TRIM72: variants seen among roughly 807,000 people sequenced by gnomAD.
The protein encoded by TRIM72 is tripartite motif-containing protein 72.
TRIM72 carries 33 observed loss-of-function variants against 31.6 expected under a neutral mutation model. The observed-to-expected ratio is 1.04, with a 90% CI of 0.79 to 1.40. The LOEUF (loss-of-function observed/expected upper bound fraction) is 1.40, where lower values mean the gene tolerates loss of function less well. Ranked by LOEUF, TRIM72 falls within the 40% of genes most tolerant of loss-of-function variation. The pLI is 0.00. For synonymous variants in TRIM72, 301 were observed against 314.4 expected, an observed-to-expected ratio of 0.96 and a Z score of 0.45; for missense variants, 666 against 682.7, an observed-to-expected ratio of 0.98 and a Z score of 0.27.
At position 31,230,835 on chromosome 16, in the gene TRIM72, C is replaced by A. The variant is rs2079567742; in HGVS notation, c.*6080C>A. On this transcript the variant is annotated 3_prime_UTR_variant, in exon 7 of 7. Transcript: ENST00000322122. ...TAACTAAATAATAAATAATAAGTAT[C>A]CTCCTCAACCTCTTGGTCTCTCTGA... The A allele has an allele frequency of 6.6e-6, 1 of 151,818 alleles. No homozygotes were observed. The highest frequency in any genetic ancestry group is 2.4e-5 in the African/African-American group (1 of 41,428). The allele number at this position is 151,818 out of a possible 1,614,324, so 9.4% of individuals were successfully genotyped here. A position where few individuals can be genotyped will look rare whatever the true frequency, so the allele number is the denominator to read the frequency against.
At chr16:31,223,489 T>A (rs1466182425) in intron 6 of TRIM72, among the ~76,000 whole-genome samples, 1 of 152,228 alleles carries the variant, frequency 6.6e-6, no homozygotes, top group East Asian at 1.9e-4. Flanking sequence ...AGCCTCATTT[T>A]ATTCAAGATA....
rs539537118 is a variant in TRIM72 at position 31,226,505 on chromosome 16, G to A, written c.*1750G>A. Reference sequence around the variant, plus strand: ...GATTCTAGGTGAATAAACAACCCTCGACTTAACTTGCTTTGCCTCTGGGAT... The same window carrying A: ...GATTCTAGGTGAATAAACAACCCTCAACTTAACTTGCTTTGCCTCTGGGAT... On this transcript the variant is annotated 3_prime_UTR_variant, in exon 7 of 7. Transcript: ENST00000322122. 2.6e-5 allele frequency: 4 copies of A among 152,216 alleles called. No homozygotes were observed. Among genetic ancestry groups the A allele is most frequent in the Non-Finnish European group, 5.9e-5 (4 of 68,016 alleles). 9.4% of individuals were successfully genotyped at this position (152,216 alleles called of 1,614,324 possible). A position where few individuals can be genotyped will look rare whatever the true frequency, so the allele number is the denominator to read the frequency against.
intron 2 of TRIM72, chr16:31,217,168 C>T: frequency 1.1e-6 from 1 of 914,122 alleles, no homozygotes; most frequent in South Asian, 1.8e-5. Flanking sequence ...CCTGTGGCTC[C>T]TGCTGGGAGG....
rs1176051851 is a variant in TRIM72 at position 31,219,528 on chromosome 16, T to G, written c.717+9T>G. 5.6e-6 allele frequency: 9 copies of G among 1,606,988 alleles called. No homozygotes were observed. In the South Asian group the frequency reaches 9.9e-5, roughly 18 times the overall value. On this transcript the variant is annotated intron_variant, in intron 4 of 6. Transcript: ENST00000322122. This position sits in a 1 kb window ranked among gnomAD's most constrained non-coding sequence, Gnocchi z 4.2. ...AGACTGAGTTCCTCATGGTGAGCAC[T>G]GGGTGACCCCCCTCCCTGCCTCAGC...
At chr16:31,218,398 C>T (rs576092260) in intron 2 of TRIM72, among the ~76,000 whole-genome samples, 1 of 152,018 alleles carries the variant, frequency 6.6e-6, no homozygotes, top group South Asian at 2.1e-4. Flanking sequence ...TTTAAAAAAT[C>T]ATGGCCAGGA....
Position 31,219,421 on chromosome 16 carries a change from C to G in TRIM72, c.619C>G (p.Arg207Gly). 1 of 1,613,468 alleles carries G rather than the reference C, an allele frequency of 6.2e-7. No individual in the cohort carries two copies. The highest frequency in any genetic ancestry group is 8.5e-7 in the Non-Finnish European group (1 of 1,179,746). ...VRGEAGVALRRELGSLNSYLE... is the reference protein window; with the variant it reads ...VRGEAGVALRGELGSLNSYLE... ...GGGTGAGGCAGGGGTCGCCTTGCGCCGGGAGCTGGGGAGCCTGAACTCTTA... is the reference window on the plus strand; with the variant it reads ...GGGTGAGGCAGGGGTCGCCTTGCGCGGGGAGCTGGGGAGCCTGAACTCTTA... Residue 207 changes from arginine to glycine, a missense_variant, in exon 4 of 7, where the codon CGG (arginine) becomes GGG (glycine). Transcript: ENST00000322122. The surrounding 1 kb of genome is among the most constrained non-coding windows in gnomAD (Gnocchi z 4.2).
At chr16:31,222,992 T>C (rs561149815) in intron 6 of TRIM72, 47 bp downstream of exon 6, 2 of 1,484,812 alleles carry the variant, frequency 1.3e-6, no homozygotes, top group South Asian at 2.4e-5. Flanking sequence ...AGGCAGTTGA[T>C]GGGAGGCCCT....
rs780345640 is a variant in TRIM72 at position 31,214,873 on chromosome 16, G to A, written c.135G>A (p.Pro45=). Residue 45 remains proline (P), a synonymous_variant, in exon 2 of 7, where the codon CCG becomes CCA. Coordinates refer to ENST00000322122, the MANE Select transcript of TRIM72 (RefSeq NM_001008274.4). ...GCCTAGGCCGCGTGGCCGGGGAGCC[G>A]GCGGCGGATGGCACCGTTCTCTGCC... The part of the protein sequence containing the change: ...RACLGRVAGE[P]AADGTVLCPC... The A allele has an allele frequency of 8.5e-6, 13 of 1,529,392 alleles. No homozygotes were observed. In the African/African-American group the frequency reaches 1.3e-4, roughly 15 times the overall value. 94.7% of individuals were successfully genotyped at this position (1,529,392 alleles called of 1,614,324 possible).
intron 6 of TRIM72, 117 bp from the exon 7 acceptor site, chr16:31,224,064 C>T: frequency 8.2e-7 from 1 of 1,216,458 alleles, no homozygotes; most frequent in Non-Finnish European, 1.1e-6. Flanking sequence ...GTGGCCCAAG[C>T]CCAGTGAGCA....
At chr16:31,217,412 C>G (rs1398086987) in intron 2 of TRIM72, 7 of 155,178 alleles carry the variant, frequency 4.5e-5, no homozygotes, top group Non-Finnish European at 8.8e-5. Flanking sequence ...GAGGCTGAAG[C>G]AAAAGGATTG....
Position 31,214,792 on chromosome 16 carries a change from G to A in TRIM72, c.54G>A (p.Leu18=), listed in dbSNP as rs764995056. 4.5e-5 allele frequency: 71 copies of A among 1,581,514 alleles called. No individual in the cohort carries two copies. The African/African-American group carries it at 9.1e-4, about 20-fold the overall frequency. ...AGGAGCTGTCCTGCCCGCTGTGCCT[G>A]CAGCTGTTCGACGCGCCCGTGACAG... is the stretch of plus-strand genomic sequence containing the variant. ...LHQELSCPLC[L]QLFDAPVTAE... is the part of the protein sequence containing the mutation. The change falls in exon 2 of 7, where the codon CTG becomes CTA. Residue 18 remains leucine, a synonymous_variant. Coordinates refer to ENST00000322122, the MANE Select transcript of TRIM72 (RefSeq NM_001008274.4).
rs112969513 is a variant in TRIM72 at position 31,216,433 on chromosome 16, C to A, written c.390+1305C>A. On this transcript the variant is annotated intron_variant, in intron 2 of 6. Transcript: ENST00000322122. This position sits in a 1 kb window ranked among gnomAD's most constrained non-coding sequence, Gnocchi z 6.7. ...AATCTTGCTGCCGCTAAAAAAAAAACAAAAAACAAACAAACAAAAAAAACC... is the reference window on the plus strand; with the variant it reads ...AATCTTGCTGCCGCTAAAAAAAAAAAAAAAAACAAACAAACAAAAAAAACC... 1.9e-3 allele frequency: 639 copies of A among 333,098 alleles called. 5 individuals carry two copies. The highest frequency in any genetic ancestry group is 2.9e-3 in the Non-Finnish European group (530 of 182,962). The allele number at this position is 333,098 out of a possible 1,614,324, so 20.6% of individuals were successfully genotyped here.
At position 31,225,193 on chromosome 16, in the gene TRIM72, A is replaced by AGG. The variant is rs2079551356; in HGVS notation, c.*438_*439insGG. The AGG allele has an allele frequency of 6.6e-6, 1 of 151,902 alleles. No homozygotes were observed. 9.4% of individuals were successfully genotyped at this position (151,902 alleles called of 1,614,324 possible). On this transcript the variant is annotated 3_prime_UTR_variant, in exon 7 of 7. Transcript: ENST00000322122. ...TGACAAGAGTGAGACTCTGTCTCAAAAAAAAAAAAAAGTGTGGGGGTTGGC... is the reference window on the plus strand; with the variant it reads ...TGACAAGAGTGAGACTCTGTCTCAAAGGAAAAAAAAAAAGTGTGGGGGTTGGC...
In TRIM72 at chr16:31,216,781, G is replaced by A; in HGVS notation, c.390+1653G>A. ...CCCTCACGCAGCCCGCTGCAGCCGT[G>A]CGGCCTCCTCCAACATGCGCATGTC... On this transcript the variant is annotated intron_variant, in intron 2 of 6. Transcript: ENST00000322122. This position sits in a 1 kb window ranked among gnomAD's most constrained non-coding sequence, Gnocchi z 6.7. 6.2e-7 allele frequency: 1 copy of A among 1,604,866 alleles called. No homozygotes were observed.
In TRIM72 at chr16:31,219,457, C is replaced by T; in HGVS notation, c.655C>T (p.Leu219=). 6.2e-7 allele frequency: 1 copy of T among 1,612,256 alleles called. No homozygotes were observed. The highest frequency in any genetic ancestry group is 1.1e-5 in the South Asian group (1 of 90,992). ...GAGCCTGAACTCTTACCTGGAGCAG[C>T]TGCGGCAGATGGAGAAGGTCCTGGA... The part of the protein sequence containing the change: ...LGSLNSYLEQ[L]RQMEKVLEEV... Residue 219 remains leucine (L), a synonymous_variant, in exon 4 of 7, where the codon CTG becomes TTG. Transcript: ENST00000322122. This position sits in a 1 kb window ranked among gnomAD's most constrained non-coding sequence, Gnocchi z 4.2.
In TRIM72 at chr16:31,230,845, C is replaced by T. The variant is rs778281343; in HGVS notation, c.*6090C>T. ...ATAAATAATAAGTATCCTCCTCAACCTCTTGGTCTCTCTGATTCCTAAATT... is the reference window on the plus strand; with the variant it reads ...ATAAATAATAAGTATCCTCCTCAACTTCTTGGTCTCTCTGATTCCTAAATT... On this transcript the variant is annotated 3_prime_UTR_variant, in exon 7 of 7. Transcript: ENST00000322122. 1.8e-4 allele frequency: 27 copies of T among 152,064 alleles called. No individual in the cohort carries two copies. The highest frequency in any genetic ancestry group is 2.5e-4 in the Non-Finnish European group (17 of 68,006). 9.4% of individuals were successfully genotyped at this position (152,064 alleles called of 1,614,324 possible). A position where few individuals can be genotyped will look rare whatever the true frequency, so the allele number is the denominator to read the frequency against.
At chr16:31,218,475 G>A (rs1159452304) in intron 2 of TRIM72, among the ~76,000 whole-genome samples, 1 of 152,176 alleles carries the variant, frequency 6.6e-6, no homozygotes, top group African/African-American at 2.4e-5. Context: ...GAGGTCAGAA[G>A]TTTGAGACCA....
chr16:31,221,713 C>A (rs543297770), intron 5 of TRIM72, among the ~76,000 whole-genome samples: 1 of 118,620 alleles, frequency 8.4e-6, no homozygotes. Context: ...AAGGGCATTG[C>A]GGGGAGAAAG....
chr16:31,218,301 C>T (rs986345406), intron 2 of TRIM72, among the ~76,000 whole-genome samples: 1 of 151,900 alleles, frequency 6.6e-6, no homozygotes, highest in Non-Finnish European at 1.5e-5. Context: ...TCCCAGCATG[C>T]TGGGAGGCTG....
Sources: allele counts gnomAD v4.1 joint callset (sites outside exome capture counted in the v4.1 genomes callset), GRCh38; gene constraint gnomAD v4.1.1; non-coding constraint Gnocchi (gnomAD v3.1); transcripts MANE v1.5; gene names NCBI Gene and HGNC (gene_info 2026-07-23, HGNC 2026-07-21).